The following MROH9 variants were observed in gnomAD, a reference collection of about 807,000 sequenced individuals.
MROH9 encodes maestro heat like repeat family member 9, also known as maestro heat-like repeat-containing protein family member 9.
A neutral mutation model predicts 98.2 loss-of-function variants in MROH9; 92 were observed. That is an observed-to-expected ratio of 0.94 (90% CI 0.79 to 1.11). The LOEUF (loss-of-function observed/expected upper bound fraction) is 1.11, where lower values mean the gene tolerates loss of function less well. Ranked by LOEUF, MROH9 falls within the 50% of genes most tolerant of loss-of-function variation. MROH9 has a pLI of 0.00. For synonymous variants in MROH9, 397 were observed against 368.9 expected, an observed-to-expected ratio of 1.08 and a Z score of -0.87; for missense variants, 1,057 against 1,014.8, an observed-to-expected ratio of 1.04 and a Z score of -0.57.
chr1:171,031,109 T>C (rs1384758520), intron 20 of MROH9, among the ~76,000 whole-genome samples: 2 of 152,232 alleles, frequency 1.3e-5, no homozygotes, highest in African/African-American at 4.8e-5. Context: ...TTGCAACCCC[T>C]GCGGTTTTTT....
chr1:170,972,666 G>T (rs543253206), intron 8 of MROH9, among the ~76,000 whole-genome samples: 56 of 151,904 alleles, frequency 3.7e-4, no homozygotes, highest in African/African-American at 1.3e-3. Flanking sequence ...AAAAAAATAA[G>T]CCGGGTGTGG....
At chr1:170,964,430 C>A (rs1453748551) in intron 6 of MROH9, among the ~76,000 whole-genome samples, 1 of 151,994 alleles carries the variant, frequency 6.6e-6, no homozygotes, top group Non-Finnish European at 1.5e-5. Context: ...ACAATGGGAG[C>A]AAGAAAAGGT....
chr1:171,032,238 A>G (rs1242142484), intron 20 of MROH9, among the ~76,000 whole-genome samples: 1 of 152,144 alleles, frequency 6.6e-6, no homozygotes, highest in Non-Finnish European at 1.5e-5. Context: ...CCTTTAGTGC[A>G]GCATAGTTTT....
chr1:171,000,524 T>C (rs757989913), intron 15 of MROH9, among the ~76,000 whole-genome samples: 7 of 152,180 alleles, frequency 4.6e-5, no homozygotes, highest in Non-Finnish European at 7.4e-5. Context: ...TAGCTATGTT[T>C]CTGTGGTTTA....
chr1:170,970,751 A>T (rs1650425001), intron 7 of MROH9, among the ~76,000 whole-genome samples: 1 of 143,188 alleles, frequency 7.0e-6, no homozygotes. Flanking sequence ...AGAGAGAGAG[A>T]GAGAGAGAGA....
At chr1:171,056,856 G>C (rs1653854173) in intron 20 of MROH9, among the ~76,000 whole-genome samples, 2 of 152,130 alleles carry the variant, frequency 1.3e-5, no homozygotes, top group South Asian at 4.1e-4. Context: ...CCAGCAAATG[G>C]CAGCAGCCCT....
rs534184091 is a variant in MROH9, at chr1:171,026,898, T to C, written c.2281+1478T>C. On this transcript the variant is annotated intron_variant, in intron 20 of 21. Coordinates refer to ENST00000367759, the MANE Select transcript of MROH9 (RefSeq NM_001163629.2). The stretch of plus-strand genomic sequence containing the variant: ...TCTGGGATGGGATAATGGGAGCATA[T>C]GAAAAATAAGCTTTCGAAGTACAAG... 2.6e-5 allele frequency among the ~76,000 whole-genome samples: 4 copies of C among 152,146 alleles called. No individual in the cohort carries two copies. The East Asian group carries it at 5.8e-4, about 22-fold the overall frequency.
intron 10 of MROH9, among the ~76,000 whole-genome samples, chr1:170,989,046 G>C (rs1419562890): frequency 6.6e-6 from 1 of 152,012 alleles, no homozygotes; most frequent in African/African-American, 2.4e-5. Flanking sequence ...TTTTTCTTTT[G>C]TTTGCCATAG....
Position 170,971,907 on chromosome 1 carries a change from C to T in MROH9, c.616+24C>T, listed in dbSNP as rs369015164. 4.3e-6 allele frequency: 7 copies of T among 1,609,896 alleles called. No individual in the cohort carries two copies. The African/African-American group carries it at 9.4e-5, about 22-fold the overall frequency. On this transcript the variant is annotated intron_variant, in intron 8 of 21. Transcript: ENST00000367759. ...CGGTAAGAACAGTTCACCATCTTTT[C>T]TCAGGATTACTAAGAATATGTCCCT...
intron 3 of MROH9, among the ~76,000 whole-genome samples, chr1:170,955,896 A>G (rs1649740483): frequency 6.6e-6 from 1 of 152,204 alleles, no homozygotes; most frequent in Non-Finnish European, 1.5e-5. Flanking sequence ...TGCCTAAGCC[A>G]ACGTCTAGAA....
chr1:170,995,087 A>AAGGGGCCTT (rs1160843379), intron 12 of MROH9, among the ~76,000 whole-genome samples: 9 of 152,100 alleles, frequency 5.9e-5, no homozygotes, highest in Non-Finnish European at 2.9e-5. Context: ...ATGGCCACAT[A>AAGGGGCCTT]GGAAGGGGAC....
chr1:171,027,767 T>C (rs559287525), intron 20 of MROH9, among the ~76,000 whole-genome samples: 1 of 152,372 alleles, frequency 6.6e-6, no homozygotes, highest in East Asian at 1.9e-4. Context: ...TGAGATGGTA[T>C]CTCATTATAG....
At position 170,961,874 on chromosome 1, in the gene MROH9, T is replaced by C. The variant is rs555791103; in HGVS notation, c.289-16T>C. On this transcript the variant is annotated splice_polypyrimidine_tract_variant and intron_variant, in intron 5 of 21. Coordinates refer to ENST00000367759, the MANE Select transcript of MROH9 (RefSeq NM_001163629.2). ...TATCTAAGTCTGGCTGACTGTGCAA[T>C]GTTTTTGTGTTTCAGAATTTATACC... The C allele has an allele frequency of 1.6e-5, 21 of 1,321,296 alleles. No homozygotes were observed. In the African/African-American group the frequency reaches 2.6e-4, roughly 16 times the overall value. 81.8% of individuals were successfully genotyped at this position (1,321,296 alleles called of 1,614,324 possible). A position where few individuals can be genotyped will look rare whatever the true frequency, so the allele number is the denominator to read the frequency against.
intron 20 of MROH9, among the ~76,000 whole-genome samples, chr1:171,034,024 A>C (rs1309626551): frequency 6.6e-6 from 1 of 152,182 alleles, no homozygotes; most frequent in Non-Finnish European, 1.5e-5. Context: ...ACAATTCTTT[A>C]TGCATTCAGA....
chr1:170,954,961 C>T (rs371560997), intron 3 of MROH9, among the ~76,000 whole-genome samples: 154 of 152,000 alleles, frequency 1.0e-3, no homozygotes, highest in African/African-American at 3.5e-3. Flanking sequence ...ATCCCTATCC[C>T]CCTCCCACTC....
chr1:171,064,004 G>A (rs1654091571), intron 21 of MROH9, 95 bp from the exon 22 acceptor site: 3 of 1,219,042 alleles, frequency 2.5e-6, no homozygotes, highest in African/African-American at 1.5e-5. Flanking sequence ...AGAGAAGGGG[G>A]CACTCTGTGA....
In MROH9 at chr1:170,986,557, G is replaced by A. The variant is rs764138631; in HGVS notation, c.730-4G>A. 7.4e-6 allele frequency: 12 copies of A among 1,611,946 alleles called. No individual in the cohort carries two copies. The highest frequency in any genetic ancestry group is 8.5e-6 in the Non-Finnish European group (10 of 1,178,988). ...GAGGTCATGATTATCCTTTGTGGTT[G>A]CAGAGAGTAGGGCAAACCTTACTGC... On this transcript the variant is annotated splice_region_variant and splice_polypyrimidine_tract_variant and intron_variant, in intron 9 of 21. Transcript: ENST00000367759.
At chr1:171,015,626 C>T (rs907465692) in intron 16 of MROH9, among the ~76,000 whole-genome samples, 6 of 151,732 alleles carry the variant, frequency 4.0e-5, no homozygotes, top group African/African-American at 1.5e-4. Context: ...CATGACCTGC[C>T]TGAGTGTCTC....
intron 20 of MROH9, among the ~76,000 whole-genome samples, chr1:171,043,595 G>C (rs1396460437): frequency 2.0e-5 from 3 of 151,712 alleles, no homozygotes; most frequent in Admixed American, 6.6e-5. Context: ...TAACAAAATT[G>C]ATTCTTCCAA....
Sources: gnomAD v4.1 joint callset for allele counts (sites outside exome capture counted in the v4.1 genomes callset) on GRCh38, gnomAD v4.1.1 for gene constraint, MANE v1.5 for transcripts, NCBI Gene and HGNC (gene_info 2026-07-23, HGNC 2026-07-21) for gene names.